Variants in MMP7 observed in about 807,000 individuals in gnomAD.
MMP7 encodes the protein matrilysin.
In MMP7, 26 loss-of-function variants were observed where a neutral mutation model predicts 31.5. The ratio of observed to expected loss-of-function variants is 0.83; its 90% CI spans 0.61 to 1.15. MMP7 has a LOEUF of 1.15. Among genes scored for constraint, MMP7 ranks in the 50% most tolerant of loss-of-function variants. The pLI is 0.00. For synonymous variants in MMP7, 142 were observed against 124.2 expected (o/e 1.14, Z -0.95); for missense variants, 367 against 326.5 (o/e 1.12, Z -0.96).
intron 5 of MMP7, 81 bp from the exon 6 acceptor site, chr11:102,520,885 T>C (rs1858605813): frequency 3.2e-6 from 3 of 928,182 alleles, no homozygotes; most frequent in East Asian, 2.5e-5. Flanking sequence ...GCAAAGGAAA[T>C]GTCACAGAAA....
intron 1 of MMP7, among the ~76,000 whole-genome samples, chr11:102,529,177 G>T (rs550165373): frequency 6.6e-6 from 1 of 152,102 alleles, no homozygotes; most frequent in Non-Finnish European, 1.5e-5. Flanking sequence ...GACCGCCCAG[G>T]AATATGCAAT....
At chr11:102,523,482 T>G in intron 4 of MMP7, 81 bp from the exon 5 acceptor site, 1 of 1,154,764 alleles carries the variant, frequency 8.7e-7, no homozygotes, top group Non-Finnish European at 1.1e-6. Context: ...ATATCATAAT[T>G]TAAAAAAACT....
chr11:102,523,509 G>A (rs1350974282), intron 4 of MMP7, 108 bp from the exon 5 acceptor site: 2 of 929,032 alleles, frequency 2.2e-6, no homozygotes, highest in African/African-American at 1.7e-5. Flanking sequence ...AAATACCCAA[G>A]TTTTAGCCCA....
chr11:102,525,240 C>T (rs534263197), intron 3 of MMP7, among the ~76,000 whole-genome samples, 176 bp from the exon 4 acceptor site: 1 of 152,158 alleles, frequency 6.6e-6, no homozygotes, highest in Middle Eastern at 3.4e-3. Flanking sequence ...GAGTTTGAGA[C>T]CTGTCTGGCT....
chr11:102,525,019 G>C lies in MMP7; in HGVS notation c.530C>G (p.Ala177Gly). 1 of 1,613,850 alleles carries C rather than the reference G, an allele frequency of 6.2e-7. No homozygotes were observed. The highest frequency in any genetic ancestry group is 8.5e-7 in the Non-Finnish European group (1 of 1,179,906). ...ACCTGTCCCAGGCGCAAAGGCATGA[G>C]CCAGCGTGTTTCCTGGCCCATCAAA... Reference protein sequence around the residue: ...YPFDGPGNTLAHAFAPGTGLG... With the variant: ...YPFDGPGNTLGHAFAPGTGLG... The change falls in exon 4 of 6, where the codon GCT (alanine) becomes GGT (glycine). Residue 177 changes from alanine to glycine, a missense_variant. Coordinates refer to ENST00000260227, the MANE Select transcript of MMP7 (RefSeq NM_002423.5).
chr11:102,520,695 G>T lies in MMP7; in HGVS notation c.*81C>A. ...GACATAATTGCTAAATGGAGTGGAGGAACAGTGCTTATCAATTCTGATTGT... is the reference window on the plus strand; with the variant it reads ...GACATAATTGCTAAATGGAGTGGAGTAACAGTGCTTATCAATTCTGATTGT... On this transcript the variant is annotated 3_prime_UTR_variant, in exon 6 of 6. Coordinates refer to ENST00000260227, the MANE Select transcript of MMP7 (RefSeq NM_002423.5). 2 of 1,183,688 alleles carry T rather than the reference G, an allele frequency of 1.7e-6. No homozygotes were observed. Among genetic ancestry groups the T allele is most frequent in the South Asian group, 1.4e-5 (1 of 72,456 alleles). The allele number at this position is 1,183,688 out of a possible 1,614,324, so 73.3% of individuals were successfully genotyped here. A position where few individuals can be genotyped will look rare whatever the true frequency, so the allele number is the denominator to read the frequency against.
chr11:102,523,646 C>G (rs1323922628), intron 4 of MMP7, among the ~76,000 whole-genome samples: 2 of 151,932 alleles, frequency 1.3e-5, no homozygotes, highest in Admixed American at 1.3e-4. Flanking sequence ...TTTTTATTTG[C>G]TTCTTTCATT....
chr11:102,529,313 AT>A (rs1246646346), intron 1 of MMP7, among the ~76,000 whole-genome samples: 1 of 152,220 alleles, frequency 6.6e-6, no homozygotes, highest in Non-Finnish European at 1.5e-5. Context: ...TTAAAAACAA[AT>A]AACCCATTTA....
At chr11:102,520,881 G>A in intron 5 of MMP7, 77 bp from the exon 6 acceptor site, 2 of 945,424 alleles carry the variant, frequency 2.1e-6, no homozygotes, top group Non-Finnish European at 3.2e-6. Flanking sequence ...ACAGGCAAAG[G>A]AAATGTCACA....
At chr11:102,522,738 G>T (rs17884564) in intron 5 of MMP7, among the ~76,000 whole-genome samples, 4 of 152,198 alleles carry the variant, frequency 2.6e-5, no homozygotes, top group Admixed American at 1.3e-4. Context: ...ATAGACTGGG[G>T]CAAGGGATAT....
intron 5 of MMP7, among the ~76,000 whole-genome samples, chr11:102,522,794 T>C (rs1304870854): frequency 6.6e-6 from 1 of 152,178 alleles, no homozygotes; most frequent in African/African-American, 2.4e-5. Flanking sequence ...CTGTCCGTGG[T>C]TAACCGCTTT....
intron 1 of MMP7, among the ~76,000 whole-genome samples, chr11:102,529,579 T>C (rs1225715090): frequency 6.6e-6 from 1 of 152,198 alleles, no homozygotes; most frequent in Non-Finnish European, 1.5e-5. Flanking sequence ...CTTTATGTGG[T>C]TCAATCTAAC....
In MMP7 at chr11:102,525,727, C is replaced by A. The variant is rs535292156; in HGVS notation, c.485-663G>T. Among the ~76,000 whole-genome samples the A allele has an allele frequency of 2.7e-5, 4 of 150,872 alleles. No individual in the cohort carries two copies. The South Asian group carries it at 8.4e-4, about 32-fold the overall frequency. On this transcript the variant is annotated intron_variant, in intron 3 of 5. Transcript: ENST00000260227. ...GTGGGAGGGAGAATGAATATGAATACCACATTTGGCAAGTAATTTGTGCAC... is the reference window on the plus strand; with the variant it reads ...GTGGGAGGGAGAATGAATATGAATAACACATTTGGCAAGTAATTTGTGCAC...
At chr11:102,528,277 G>T (rs1475860211) in intron 1 of MMP7, among the ~76,000 whole-genome samples, 1 of 152,174 alleles carries the variant, frequency 6.6e-6, no homozygotes, top group African/African-American at 2.4e-5. Flanking sequence ...AAGCCTAGAA[G>T]TGTGTAAGAG....
At chr11:102,522,719 CA>C (rs974533184) in intron 5 of MMP7, among the ~76,000 whole-genome samples, 13 of 152,172 alleles carry the variant, frequency 8.5e-5, no homozygotes, top group African/African-American at 2.9e-4. Context: ...TTGATTAAAC[CA>C]AAAAAGCATA....
chr11:102,524,410 A>G (rs563453973), intron 4 of MMP7: 3 of 152,236 alleles, frequency 2.0e-5, no homozygotes, highest in Non-Finnish European at 4.4e-5. Flanking sequence ...ATACTAAATC[A>G]TGGAGTTGGT....
At position 102,527,792 on chromosome 11, in the gene MMP7, A is replaced by G. The variant is rs1858690060; in HGVS notation, c.300T>C (p.Asn100=). Residue 100 remains asparagine, a synonymous_variant, in exon 2 of 6, where the codon AAT becomes AAC. Coordinates refer to ENST00000260227, the MANE Select transcript of MMP7 (RefSeq NM_002423.5). ...PDVAEYSLFP[N]SPKWTSKVVT... is the part of the protein sequence containing the mutation. Reference sequence around the variant, plus strand: ...CCACTTTGGAAGTCCATTTTGGGCTATTTGGAAATAGTGAGTATTCTGCAA... The same window carrying G: ...CCACTTTGGAAGTCCATTTTGGGCTGTTTGGAAATAGTGAGTATTCTGCAA... 6.2e-7 allele frequency: 1 copy of G among 1,614,180 alleles called. No individual in the cohort carries two copies. Among genetic ancestry groups the G allele is most frequent in the Non-Finnish European group, 8.5e-7 (1 of 1,180,010 alleles).
In MMP7 at chr11:102,523,267, CA is replaced by C; in HGVS notation, c.747del (p.Asp249GlufsTer71). On this transcript the variant is annotated frameshift_variant, in exon 5 of 6. Transcript: ENST00000260227. LOFTEE classifies it low-confidence loss of function (END_TRUNC). ...TATAGTTTCTGAATGCCTTTAATAT[CA>C]TCCTGGGAAAGTTTAAAATTTTGGG... is the stretch of plus-strand genomic sequence containing the variant. ...GDPQNFKLSQ[D>X]DIKGIQKLYG... 6.2e-7 allele frequency: 1 copy of C among 1,609,406 alleles called. No homozygotes were observed. The highest frequency in any genetic ancestry group is 8.5e-7 in the Non-Finnish European group (1 of 1,176,854).
chr11:102,525,537 T>C (rs1858660705), intron 3 of MMP7, among the ~76,000 whole-genome samples: 1 of 152,050 alleles, frequency 6.6e-6, no homozygotes, highest in Non-Finnish European at 1.5e-5. Context: ...GTTTGGGTGC[T>C]TTCTTGGCCC....
Sources: gnomAD v4.1 joint callset for allele counts (sites outside exome capture counted in the v4.1 genomes callset) on GRCh38, gnomAD v4.1.1 for gene constraint, MANE v1.5 for transcripts, NCBI Gene and HGNC (gene_info 2026-07-23, HGNC 2026-07-21) for gene names.